Variants in HIBADH observed in about 807,000 individuals in gnomAD.
The protein encoded by HIBADH is 3-hydroxyisobutyrate dehydrogenase, mitochondrial.
A neutral mutation model predicts 36.1 loss-of-function variants in HIBADH; 25 were observed. The observed-to-expected ratio is 0.69, with a 90% CI of 0.50 to 0.97. The LOEUF (loss-of-function observed/expected upper bound fraction) is 0.97. HIBADH is among the 50% of genes least tolerant of loss of function. The pLI, the probability that HIBADH is intolerant of heterozygous loss-of-function variation, is 0.00. For synonymous variants in HIBADH, 160 were observed against 149.5 expected (o/e 1.07, Z -0.51); for missense variants, 421 against 418.0 (o/e 1.01, Z -0.06).
At chr7:27,661,449 G>A (rs959032937) in intron 1 of HIBADH, among the ~76,000 whole-genome samples, 25 of 152,030 alleles carry the variant, frequency 1.6e-4, no homozygotes, top group Admixed American at 1.3e-4. Context: ...TTGGACGGGC[G>A]TGGTGGCACA....
chr7:27,622,759 G>C (rs1204574360), intron 4 of HIBADH, among the ~76,000 whole-genome samples: 1 of 152,048 alleles, frequency 6.6e-6, no homozygotes, highest in East Asian at 1.9e-4. Context: ...TGACATTATA[G>C]GTAGCAAGAT....
At chr7:27,529,493 T>C (rs567127047) in intron 7 of HIBADH, among the ~76,000 whole-genome samples, 1 of 152,254 alleles carries the variant, frequency 6.6e-6, no homozygotes, top group Admixed American at 6.5e-5. Context: ...CTTTAAGACT[T>C]CAATGGAGAA....
At chr7:27,558,263 CTCT>C (rs952094078) in intron 4 of HIBADH, among the ~76,000 whole-genome samples, 19 of 152,174 alleles carry the variant, frequency 1.2e-4, no homozygotes, top group African/African-American at 4.3e-4. Flanking sequence ...TGTCACATTT[CTCT>C]TCTTATTTAA....
intron 4 of HIBADH, among the ~76,000 whole-genome samples, chr7:27,545,349 G>C (rs992157246): frequency 3.9e-5 from 6 of 152,146 alleles, no homozygotes; most frequent in African/African-American, 1.4e-4. Context: ...TGAGATGGAG[G>C]ATTGCTTGAA....
chr7:27,527,031 C>G (rs1221427627), intron 7 of HIBADH, among the ~76,000 whole-genome samples: 2 of 151,642 alleles, frequency 1.3e-5, no homozygotes, highest in South Asian at 4.2e-4. Context: ...AGGTGGTGGG[C>G]AAGGAAGAAT....
chr7:27,584,601 A>G (rs1262399617), intron 4 of HIBADH, among the ~76,000 whole-genome samples: 3 of 152,098 alleles, frequency 2.0e-5, no homozygotes, highest in Non-Finnish European at 2.9e-5. Context: ...AAAAATGCAG[A>G]TAGTATAGCT....
At chr7:27,647,413 A>C (rs1786092542) in intron 2 of HIBADH, among the ~76,000 whole-genome samples, 1 of 152,212 alleles carries the variant, frequency 6.6e-6, no homozygotes, top group African/African-American at 2.4e-5. Flanking sequence ...AAATCGTAGA[A>C]AGTGAAACTG....
rs1450543078 is a variant in HIBADH, at chr7:27,650,191, A to G, written c.92-558T>C. Among the ~76,000 whole-genome samples the G allele has an allele frequency of 4.0e-5, 6 of 151,872 alleles. 1 individual carries two copies. The South Asian group carries it at 1.2e-3, about 32-fold the overall frequency. Reference sequence around the variant, plus strand: ...TATAAAAGACAGAAAGTATTCAAAAAGACGTAAGTCTTGGACCAGCTTCAA... The same window carrying G: ...TATAAAAGACAGAAAGTATTCAAAAGGACGTAAGTCTTGGACCAGCTTCAA... On this transcript the variant is annotated intron_variant, in intron 1 of 7. Transcript: ENST00000265395.
Position 27,662,778 on chromosome 7 carries a change from G to A in HIBADH, c.11C>T (p.Ser4Phe). MAA[S>F]LRLLGAASGL... ...GGAGGCAGCTCCGAGGAGCCGTAAG[G>A]AGGCTGCCATGCTGCGCCCGCCCCT... is the stretch of plus-strand genomic sequence containing the variant. The change falls in exon 1 of 8, where the codon TCC becomes TTC. Residue 4 changes from serine to phenylalanine, a missense_variant. Ser to Phe is a radical substitution (Grantham distance 155). Transcript: ENST00000265395. 2.7e-6 allele frequency: 4 copies of A among 1,466,288 alleles called. No homozygotes were observed. The highest frequency in any genetic ancestry group is 1.3e-5 in the South Asian group (1 of 75,592). The allele number at this position is 1,466,288 out of a possible 1,614,324, so 90.8% of individuals were successfully genotyped here.
intron 4 of HIBADH, among the ~76,000 whole-genome samples, chr7:27,555,606 C>T (rs963207437): frequency 1.3e-5 from 2 of 152,158 alleles, no homozygotes; most frequent in African/African-American, 4.8e-5. Flanking sequence ...TGGTCTCCTG[C>T]ATGTCCATTC....
chr7:27,645,195 T>C (rs969563253), intron 2 of HIBADH, among the ~76,000 whole-genome samples: 8 of 152,024 alleles, frequency 5.3e-5, no homozygotes, highest in African/African-American at 1.9e-4. Flanking sequence ...GGTCATGGCA[T>C]AATTCTAAAC....
intron 5 of HIBADH, among the ~76,000 whole-genome samples, chr7:27,539,430 C>T (rs1379753668): frequency 6.6e-6 from 1 of 151,848 alleles, no homozygotes; most frequent in East Asian, 1.9e-4. Context: ...AAAGAGAGTC[C>T]TAGTGACCAG....
intron 7 of HIBADH, among the ~76,000 whole-genome samples, chr7:27,527,751 G>A (rs1056468211): frequency 4.6e-5 from 3 of 65,244 alleles, no homozygotes; most frequent in African/African-American, 2.7e-4. Context: ...CAATCAATCA[G>A]TAACTTTTTT....
chr7:27,598,961 AAAAAAG>A (rs1219875879), intron 4 of HIBADH, among the ~76,000 whole-genome samples: 2 of 152,132 alleles, frequency 1.3e-5, no homozygotes, highest in South Asian at 2.1e-4. Flanking sequence ...GCACTGAAAA[AAAAAAG>A]AAAAAGTATG....
intron 4 of HIBADH, among the ~76,000 whole-genome samples, chr7:27,565,761 G>A (rs950259595): frequency 2.0e-5 from 3 of 152,084 alleles, no homozygotes; most frequent in Non-Finnish European, 2.9e-5. Context: ...AAAGTATAAC[G>A]TTAGCTATAG....
chr7:27,636,027 TA>T (rs953252137), intron 2 of HIBADH, among the ~76,000 whole-genome samples: 30 of 152,278 alleles, frequency 2.0e-4, no homozygotes, highest in Non-Finnish European at 3.2e-4. Flanking sequence ...CTGAATAAAT[TA>T]AAAATCTGCT....
chr7:27,588,506 T>C (rs1350175143), intron 4 of HIBADH, among the ~76,000 whole-genome samples: 3 of 151,648 alleles, frequency 2.0e-5, no homozygotes, highest in Non-Finnish European at 4.4e-5. Flanking sequence ...ATTTTAAAAA[T>C]TGCTTGTAGA....
intron 4 of HIBADH, among the ~76,000 whole-genome samples, chr7:27,585,840 G>A (rs1278941135): frequency 1.3e-5 from 2 of 152,008 alleles, no homozygotes; most frequent in African/African-American, 4.8e-5. Flanking sequence ...CTAGGTACAT[G>A]ATTTTTTTTT....
chr7:27,629,502 T>A lies in HIBADH; in HGVS notation c.363-10A>T. ...GCCCTTCTTCACTTTTCTAAGTAAA[T>A]AAATAAAAATATTTGTAGTTTACAA... On this transcript the variant is annotated splice_polypyrimidine_tract_variant and intron_variant, in intron 3 of 7. Coordinates refer to ENST00000265395, the MANE Select transcript of HIBADH (RefSeq NM_152740.4). 1 of 1,535,636 alleles carries A rather than the reference T, an allele frequency of 6.5e-7. No individual in the cohort carries two copies. The highest frequency in any genetic ancestry group is 2.3e-5 in the East Asian group (1 of 43,512).
Sources: gnomAD v4.1 joint callset for allele counts (sites outside exome capture counted in the v4.1 genomes callset) on GRCh38, gnomAD v4.1.1 for gene constraint, MANE v1.5 for transcripts, NCBI Gene and HGNC (gene_info 2026-07-23, HGNC 2026-07-21) for gene names.